DEGS2: variants seen among roughly 807,000 people sequenced by gnomAD.
DEGS2 encodes the protein sphingolipid delta(4)-desaturase/C4-monooxygenase DES2.
DEGS2 carries 19 observed loss-of-function variants against 23.8 expected under a neutral mutation model. That is an observed-to-expected ratio of 0.80 (90% confidence interval 0.56 to 1.17). The LOEUF (loss-of-function observed/expected upper bound fraction) is 1.17. Ranked by LOEUF, DEGS2 falls within the 50% of genes most tolerant of loss-of-function variation. The pLI is 0.00. For missense variants in DEGS2, 390 were observed against 459.5 expected, an observed-to-expected ratio of 0.85 and a Z score of 1.38; for synonymous variants, 218 against 213.7, an observed-to-expected ratio of 1.02 and a Z score of -0.18.
rs566431503 is a variant in DEGS2, at chr14:100,146,475, C to T, written c.*286G>A. On this transcript the variant is annotated 3_prime_UTR_variant, in exon 3 of 3. Coordinates refer to ENST00000305631, the MANE Select transcript of DEGS2 (RefSeq NM_206918.3). ...ACAGGCACCCCGGAGAAGTCAGCTC[C>T]GTGGGAACCGTGGGCTCAGAGCACC... 6 of 418,586 alleles carry T rather than the reference C, an allele frequency of 1.4e-5. No individual in the cohort carries two copies. Among genetic ancestry groups the T allele is most frequent in the South Asian group, 3.3e-5 (1 of 30,548 alleles). 25.9% of individuals were successfully genotyped at this position (418,586 alleles called of 1,614,324 possible).
Position 100,156,314 on chromosome 14 carries a change from A to T in DEGS2, c.82+3192T>A, listed in dbSNP as rs192697865. The stretch of plus-strand genomic sequence containing the variant: ...TAAAGAGATGCTGGCAGTTACACAG[A>T]GCATTTCTCCAAGGCCTGGGAATAG... On this transcript the variant is annotated intron_variant, in intron 1 of 2. Coordinates refer to ENST00000305631, the MANE Select transcript of DEGS2 (RefSeq NM_206918.3). Among the ~76,000 whole-genome samples, 591 of 152,326 alleles carry T rather than the reference A, an allele frequency of 3.9e-3. 3 individuals carry two copies. Among genetic ancestry groups the T allele is most frequent in the Middle Eastern group, 0.017 (5 of 294 alleles).
In DEGS2 at chr14:100,149,483, G is replaced by C; in HGVS notation, c.310C>G (p.Arg104Gly). The change falls in exon 2 of 3, where the codon CGC becomes GGC. Residue 104 changes from arginine to glycine, a missense_variant. By Grantham distance (125) the Arg-to-Gly change is moderately radical. Transcript: ENST00000305631. ...NAAFGTGRAARNRWLAVFANL... is the reference protein window; with the variant it reads ...NAAFGTGRAAGNRWLAVFANL... ...GCGAACACGGCCAGCCAGCGGTTGC[G>C]TGCCGCACGGCCCGTGCCGAAGGCC... 2.5e-6 allele frequency: 4 copies of C among 1,598,226 alleles called. No homozygotes were observed. Among genetic ancestry groups the C allele is most frequent in the Non-Finnish European group, 3.4e-6 (4 of 1,173,424 alleles).
rs367704730 is a variant in DEGS2 at position 100,149,608 on chromosome 14, C to A, written c.185G>T (p.Arg62Leu). ...CAGCAGCCAGCGCCAGGCCAGCCCG[C>A]GCACCAGCCAGCAGGCCAGCATCTG... ...LVQMLACWLV[R>L]GLAWRWLLFW... Residue 62 changes from arginine to leucine, a missense_variant, in exon 2 of 3, where the codon CGC becomes CTC. Coordinates refer to ENST00000305631, the MANE Select transcript of DEGS2 (RefSeq NM_206918.3). The A allele has an allele frequency of 6.2e-7, 1 of 1,610,904 alleles. No homozygotes were observed. The highest frequency in any genetic ancestry group is 8.5e-7 in the Non-Finnish European group (1 of 1,179,350).
Position 100,146,680 on chromosome 14 carries a change from G to A in DEGS2, c.*81C>T. 6.4e-7 allele frequency: 1 copy of A among 1,553,954 alleles called. No individual in the cohort carries two copies. Among genetic ancestry groups the A allele is most frequent in the Non-Finnish European group, 8.7e-7 (1 of 1,149,784 alleles). On this transcript the variant is annotated 3_prime_UTR_variant, in exon 3 of 3. Transcript: ENST00000305631. ...GGGCAGCAGTCCAGAGCACAGGAAG[G>A]AAATGTAGCTTCTCAGTGCTGGGGT...
At chr14:100,150,387 A>ACCCCCCCCCCCCCCCCC (rs778863717) in intron 1 of DEGS2, among the ~76,000 whole-genome samples, 1 of 92,272 alleles carries the variant, frequency 1.1e-5, no homozygotes. Flanking sequence ...CCACCCCAAC[A>ACCCCCCCCCCCCCCCCC]CCCCCCCCCG....
Position 100,149,429 on chromosome 14 carries a change from C to T in DEGS2, c.364G>A (p.Ala122Thr), listed in dbSNP as rs776729713. Residue 122 changes from alanine to threonine, a missense_variant, in exon 2 of 3, where the codon GCC becomes ACC. Transcript: ENST00000305631. ...TCCACGTGGTACTTCTTGAAGGAGGCGGCGTAGGGCACACCCACGGGCAGG... is the reference window on the plus strand; with the variant it reads ...TCCACGTGGTACTTCTTGAAGGAGGTGGCGTAGGGCACACCCACGGGCAGG... Reference protein sequence around the residue: ...ANLPVGVPYAASFKKYHVDHH... With the variant: ...ANLPVGVPYATSFKKYHVDHH... 7 of 1,596,798 alleles carry T rather than the reference C, an allele frequency of 4.4e-6. No individual in the cohort carries two copies. Among genetic ancestry groups the T allele is most frequent in the East Asian group, 2.2e-5 (1 of 44,484 alleles).
chr14:100,154,073 T>G (rs1247368075), intron 1 of DEGS2, among the ~76,000 whole-genome samples: 1 of 152,096 alleles, frequency 6.6e-6, no homozygotes, highest in Non-Finnish European at 1.5e-5. Flanking sequence ...CAGAGAAAAT[T>G]CTGGATCAGA....
chr14:100,158,638 TCTGA>T (rs1402930552), intron 1 of DEGS2, among the ~76,000 whole-genome samples: 3 of 151,796 alleles, frequency 2.0e-5, no homozygotes, highest in Non-Finnish European at 4.4e-5. Flanking sequence ...GTTTCCCCAA[TCTGA>T]CTGAAGATTA....
chr14:100,158,529 C>A (rs1363105795), intron 1 of DEGS2, among the ~76,000 whole-genome samples: 2 of 152,258 alleles, frequency 1.3e-5, no homozygotes, highest in East Asian at 3.9e-4. Context: ...GAGACTCTGT[C>A]TCTAAATAAA....
At chr14:100,166,308 TGG>T in the DEGS2 span, among the ~76,000 whole-genome samples, 1 of 12,102 alleles carries the variant, frequency 8.3e-5, no homozygotes, top group African/African-American at 5.5e-4. Context: ...CCCGGGGCTG[TGG>T]GGGAGCCTGC....
chr14:100,150,848 C>T (rs1042020108), intron 1 of DEGS2, among the ~76,000 whole-genome samples: 6 of 152,138 alleles, frequency 3.9e-5, no homozygotes, highest in Non-Finnish European at 7.4e-5. Context: ...AACCTGCACA[C>T]AGAAGGACAG....
intron 2 of DEGS2, among the ~76,000 whole-genome samples, chr14:100,147,313 G>A (rs1478586517): frequency 3.3e-5 from 5 of 152,160 alleles, no homozygotes; most frequent in Non-Finnish European, 5.9e-5. Flanking sequence ...ACTCGGCCCC[G>A]CCTTCTGACC....
rs1889510971 is a variant in DEGS2 at position 100,149,056 on chromosome 14, T to C, written c.737A>G (p.Tyr246Cys). The change falls in exon 2 of 3, where the codon TAT becomes TGT. Residue 246 changes from tyrosine (Y) to cysteine (C), a missense_variant. Physicochemically the swap from Tyr to Cys is radical, Grantham distance 194. Transcript: ENST00000305631. ...FLKGHETYSY[Y>C]GPLNWITFNV... The stretch of plus-strand genomic sequence containing the variant: ...GAAGGTGATCCAGTTGAGAGGCCCA[T>C]AGTAGGAGTAGGTCTCGTGGCCCTT... 2.5e-6 allele frequency: 4 copies of C among 1,612,710 alleles called. No homozygotes were observed. The highest frequency in any genetic ancestry group is 1.3e-5 in the African/African-American group (1 of 74,932).
chr14:100,165,907 C>G, the DEGS2 span, among the ~76,000 whole-genome samples: 1 of 119,730 alleles, frequency 8.4e-6, no homozygotes, highest in Non-Finnish European at 1.8e-5. Flanking sequence ...AGGAGGCCCC[C>G]TGAAGTGGGG....
chr14:100,152,344 G>A (rs1889586341), intron 1 of DEGS2, among the ~76,000 whole-genome samples: 1 of 152,032 alleles, frequency 6.6e-6, no homozygotes, highest in South Asian at 2.1e-4. Flanking sequence ...AGGGTCACTG[G>A]AGCTGGGTGC....
chr14:100,166,528 G>A, the DEGS2 span, among the ~76,000 whole-genome samples: 3,019 of 152,194 alleles, frequency 0.02, 117 homozygotes, highest in African/African-American at 0.069. Flanking sequence ...CTGAGACCCC[G>A]GAGGAGGTCG....
At chr14:100,159,384 C>A in intron 1 of DEGS2, 122 bp downstream of exon 1, 1 of 758,504 alleles carries the variant, frequency 1.3e-6, no homozygotes, top group African/African-American at 1.9e-5. Flanking sequence ...GCGGCAATGG[C>A]GGAACGCCCA....
chr14:100,148,938 C>T (rs750207316), intron 2 of DEGS2, 30 bp downstream of exon 2: 87 of 1,600,344 alleles, frequency 5.4e-5, no homozygotes, highest in Non-Finnish European at 6.6e-5. Flanking sequence ...AGCCCTGCCC[C>T]GCCGCAGCCC....
At chr14:100,155,914 G>A (rs1889650557) in intron 1 of DEGS2, among the ~76,000 whole-genome samples, 1 of 151,950 alleles carries the variant, frequency 6.6e-6, no homozygotes, top group African/African-American at 2.4e-5. Flanking sequence ...GGCCACGCCT[G>A]GCTGGGTCTC....
Sources: allele counts gnomAD v4.1 joint callset (sites outside exome capture counted in the v4.1 genomes callset), GRCh38; gene constraint gnomAD v4.1.1; transcripts MANE v1.5; gene names NCBI Gene and HGNC (gene_info 2026-07-23, HGNC 2026-07-21).